ZSCAN31: variants seen among roughly 807,000 people sequenced by gnomAD.
ZSCAN31 encodes the protein zinc finger and SCAN domain-containing protein 31.
ZSCAN31 carries 14 observed loss-of-function variants against 22.5 expected under a neutral mutation model. That is an observed-to-expected ratio of 0.62 (90% CI 0.41 to 0.97). The LOEUF is 0.97. Ranked by LOEUF, ZSCAN31 falls within the 50% of genes least tolerant of loss-of-function variation. The probability of loss-of-function intolerance (pLI) is 0.00; values close to 1 mark genes in which losing one functional copy is unlikely to be tolerated. For synonymous variants in ZSCAN31, 168 were observed against 169.8 expected, an observed-to-expected ratio of 0.99 and a Z score of 0.08; for missense variants, 424 against 483.4, an observed-to-expected ratio of 0.88 and a Z score of 1.15.
In ZSCAN31 at chr6:28,326,412, G is replaced by A; in HGVS notation, c.975C>T (p.Cys325=). The change falls in exon 4 of 4, where the codon TGC becomes TGT. Residue 325 remains cysteine, a synonymous_variant. Coordinates refer to ENST00000344279, the MANE Select transcript of ZSCAN31 (RefSeq NM_030899.5). ...RIHTGEKPYE[C]KVCGKAFLLS... is the part of the protein sequence containing the mutation. Reference sequence around the variant, plus strand: ...GGAGGAAAGCCTTCCCACACACTTTGCATTCATATGGTTTTTCCCCTGTGT... The same window carrying A: ...GGAGGAAAGCCTTCCCACACACTTTACATTCATATGGTTTTTCCCCTGTGT... The A allele has an allele frequency of 1.2e-6, 2 of 1,614,128 alleles. No individual in the cohort carries two copies. Among genetic ancestry groups the A allele is most frequent in the Non-Finnish European group, 1.7e-6 (2 of 1,179,994 alleles).
chr6:28,331,213 T>C lies in ZSCAN31; in HGVS notation c.-95-1435A>G, dbSNP rs1351428434. ...AAAATATTAAGATTCAGGATGGAAA[T>C]GGTAAGAATATGTTGCAAGGTTGTG... On this transcript the variant is annotated intron_variant, in intron 1 of 3. Coordinates refer to ENST00000344279, the MANE Select transcript of ZSCAN31 (RefSeq NM_030899.5). The surrounding 1 kb of genome is among the most constrained non-coding windows in gnomAD (Gnocchi z 4.8). Among the ~76,000 whole-genome samples, 2 of 152,180 alleles carry C rather than the reference T, an allele frequency of 1.3e-5. No individual in the cohort carries two copies. The highest frequency in any genetic ancestry group is 2.9e-5 in the Non-Finnish European group (2 of 68,034).
rs1053603132 is a variant in ZSCAN31 at position 28,349,541 on chromosome 6, G to A, written c.-371+4321C>T. ...TATTTAGAATTCATATTCTAATTAG[G>A]CAATGCAATCAACTCTAAAATTAAA... On this transcript the variant is annotated intron_variant, in intron 2 of 7. Coordinates refer to the ZSCAN31 transcript ENST00000396838. The surrounding 1 kb of genome is among the most constrained non-coding windows in gnomAD (Gnocchi z 4.1). Among the ~76,000 whole-genome samples, 20 of 151,952 alleles carry A rather than the reference G, an allele frequency of 1.3e-4. No homozygotes were observed. The highest frequency in any genetic ancestry group is 4.8e-4 in the African/African-American group (20 of 41,332).
At chr6:28,341,133 A>G (rs536469724), upstream of ZSCAN31, among the ~76,000 whole-genome samples, 103 of 152,370 alleles carry the variant, frequency 6.8e-4, 1 homozygote, top group Admixed American at 3.0e-3. Flanking sequence ...ATGGATCAAT[A>G]TATCCTTATG....
rs143813425 is a variant in ZSCAN31, at chr6:28,329,373, G to A, written c.311C>T (p.Pro104Leu). 170 of 1,613,870 alleles carry A rather than the reference G, an allele frequency of 1.1e-4. No homozygotes were observed. Among genetic ancestry groups the A allele is most frequent in the Middle Eastern group, 4.9e-4 (3 of 6,062 alleles). ...AGCCACAGCCTCCTCCCCACTCTCC[G>A]GATGGTGCTCCCGCACCCAGGCCTG... ...ELQAWVREHH[P>L]ESGEEAVAVV... is the part of the protein sequence containing the mutation. Residue 104 changes from proline to leucine, a missense_variant, in exon 2 of 4, where the codon CCG becomes CTG. Pro to Leu is a moderately conservative substitution (Grantham distance 98). Coordinates refer to ENST00000344279, the MANE Select transcript of ZSCAN31 (RefSeq NM_030899.5).
chr6:28,329,282 A>G (rs1265756062), intron 2 of ZSCAN31, 21 bp downstream of exon 2: 1 of 1,546,046 alleles, frequency 6.5e-7, no homozygotes, highest in African/African-American at 1.4e-5. Flanking sequence ...AATGTCTAGA[A>G]GTCCATCTTT....
At chr6:28,336,865 A>G (rs1486016121), upstream of ZSCAN31, 1 of 152,270 alleles carries the variant, frequency 6.6e-6, no homozygotes, top group African/African-American at 2.4e-5. Context: ...GGTGGGGACG[A>G]GAATACAGAG....
chr6:28,334,269 T>C (rs936834345), intron 1 of ZSCAN31, among the ~76,000 whole-genome samples: 2 of 152,164 alleles, frequency 1.3e-5, no homozygotes, highest in Admixed American at 6.5e-5. Context: ...AAATACAAGA[T>C]TAAGTTTTTA....
At chr6:28,339,131 A>C (rs213244), upstream of ZSCAN31, among the ~76,000 whole-genome samples, 12,392 of 152,270 alleles carry the variant, frequency 0.081, 704 homozygotes, top group African/African-American at 0.14. Context: ...TTAATCCAAG[A>C]GCATATTTTT....
chr6:28,351,744 C>T lies in ZSCAN31; in HGVS notation c.-371+2118G>A, dbSNP rs923644734. On this transcript the variant is annotated intron_variant, in intron 2 of 7. Coordinates refer to the ZSCAN31 transcript ENST00000396838. The surrounding 1 kb of genome is among the most constrained non-coding windows in gnomAD (Gnocchi z 4.6). ...TTCCTTTCCTTCCCTCCCTCTCCCC[C>T]TCTTTATCTCTTTTTTTTCCTCATT... Among the ~76,000 whole-genome samples the T allele has an allele frequency of 6.6e-6, 1 of 151,612 alleles. No homozygotes were observed.
intron 2 of ZSCAN31, among the ~76,000 whole-genome samples, chr6:28,348,272 A>G (rs1001555425): frequency 3.3e-5 from 5 of 152,138 alleles, no homozygotes; most frequent in Non-Finnish European, 7.4e-5. Flanking sequence ...ATGTTTATGC[A>G]GTTTAAAAGA....
rs1763561655 is a variant in ZSCAN31 at position 28,329,376 on chromosome 6, TG to T, written c.307del (p.His103IlefsTer11). 6.2e-7 allele frequency: 1 copy of T among 1,614,022 alleles called. No individual in the cohort carries two copies. The highest frequency in any genetic ancestry group is 1.7e-5 in the Admixed American group (1 of 59,996). On this transcript the variant is annotated frameshift_variant, in exon 2 of 4. Transcript: ENST00000344279. LOFTEE classifies it high-confidence loss of function. ...EELQAWVREH[H>X]PESGEEAVAV... ...CACAGCCTCCTCCCCACTCTCCGGA[TG>T]GTGCTCCCGCACCCAGGCCTGGAGC...
rs1763544586 is a variant in ZSCAN31 at position 28,329,131 on chromosome 6, G to A, written c.381+172C>T. 1.3e-5 allele frequency among the ~76,000 whole-genome samples: 2 copies of A among 152,174 alleles called. 1 individual carries two copies. The highest frequency in any genetic ancestry group is 1.3e-4 in the Admixed American group (2 of 15,276). On this transcript the variant is annotated intron_variant, in intron 2 of 3. Coordinates refer to ENST00000344279, the MANE Select transcript of ZSCAN31 (RefSeq NM_030899.5). ...AGTAAACCATCTTGGAAGTGGATCC[G>A]CCCACCTGAGTCTTGTCATCAGATG... is the stretch of plus-strand genomic sequence containing the variant.
At chr6:28,344,223 C>T (rs1764544486) in intron 2 of ZSCAN31, among the ~76,000 whole-genome samples, 2 of 152,136 alleles carry the variant, frequency 1.3e-5, no homozygotes, top group Admixed American at 1.3e-4. Flanking sequence ...TTTTTGGCCT[C>T]CTTTTTCTAA....
chr6:28,343,527 T>C lies in ZSCAN31; in HGVS notation c.-370-1735A>G, dbSNP rs1764504414. ...GCTATATGCTGCATATTTTCTTTTC[T>C]TTTTTTTTTTCTTTCTTTTTTTTTT... is the stretch of plus-strand genomic sequence containing the variant. On this transcript the variant is annotated intron_variant, in intron 2 of 7. Transcript: ENST00000396838. Among the ~76,000 whole-genome samples, 6 of 142,060 alleles carry C rather than the reference T, an allele frequency of 4.2e-5. No homozygotes were observed. The South Asian group carries it at 1.3e-3, about 31-fold the overall frequency. The allele number at this position is 142,060 out of a possible 152,430, so 93.2% of individuals were successfully genotyped here.
intron 2 of ZSCAN31, among the ~76,000 whole-genome samples, chr6:28,342,614 T>C (rs1370221603): frequency 3.9e-5 from 6 of 152,210 alleles, no homozygotes; most frequent in African/African-American, 1.4e-4. Flanking sequence ...ATATATAAAG[T>C]TGGATAAGAA....
At chr6:28,345,155 A>AAAAAG (rs1554143643) in intron 2 of ZSCAN31, among the ~76,000 whole-genome samples, 3 of 148,562 alleles carry the variant, frequency 2.0e-5, no homozygotes, top group Admixed American at 6.8e-5. Context: ...AAAAAAAAAA[A>AAAAAG]AAAAAGAAAA....
chr6:28,344,530 G>A (rs1288784435), intron 2 of ZSCAN31, among the ~76,000 whole-genome samples: 1 of 152,170 alleles, frequency 6.6e-6, no homozygotes, highest in Admixed American at 6.5e-5. Context: ...ATCTGAGTGT[G>A]TGATAGTTGT....
At position 28,351,958 on chromosome 6, in the gene ZSCAN31, ATAAT is replaced by A. The variant is rs1385174315; in HGVS notation, c.-371+1900_-371+1903del. Among the ~76,000 whole-genome samples the A allele has an allele frequency of 6.6e-6, 1 of 152,016 alleles. No homozygotes were observed. On this transcript the variant is annotated intron_variant, in intron 2 of 7. Coordinates refer to the ZSCAN31 transcript ENST00000396838. The surrounding 1 kb of genome is among the most constrained non-coding windows in gnomAD (Gnocchi z 4.6). The stretch of plus-strand genomic sequence containing the variant: ...TTGATATCATTATCTTGATTTTCAA[ATAAT>A]TGTCTCAAATATTTCTAGAGTTTTT...
rs777626482 is a variant in ZSCAN31, at chr6:28,329,319, C to A, written c.365G>T (p.Ser122Ile). 6.3e-7 allele frequency: 1 copy of A among 1,585,830 alleles called. No individual in the cohort carries two copies. Among genetic ancestry groups the A allele is most frequent in the South Asian group, 1.2e-5 (1 of 86,948 alleles). The change falls in exon 2 of 4, where the codon AGT becomes ATT. Residue 122 changes from serine (S) to isoleucine (I), a missense_variant. Coordinates refer to ENST00000344279, the MANE Select transcript of ZSCAN31 (RefSeq NM_030899.5). ...TCCTCTCACCTGGTTCCCTGGCTCA[C>A]TAAGCTCTTGTTCCAGATCTTCAAC... ...AVVEDLEQEL[S>I]EPGNQAPDHE... is the part of the protein sequence containing the mutation.
Sources: gnomAD v4.1 joint callset for allele counts (sites outside exome capture counted in the v4.1 genomes callset) on GRCh38, gnomAD v4.1.1 for gene constraint, Gnocchi (gnomAD v3.1) non-coding constraint, MANE v1.5 for transcripts, NCBI Gene and HGNC (gene_info 2026-07-23, HGNC 2026-07-21) for gene names.